The following CPAP variants were observed in gnomAD, a reference collection of about 807,000 sequenced individuals.
CPAP encodes centrosome assembly and centriole elongation protein, also known as centrosomal P4.1-associated protein.
the CPAP span, among the ~76,000 whole-genome samples, chr13:24,921,238 T>C: frequency 1.3e-5 from 2 of 152,182 alleles, no homozygotes; most frequent in Admixed American, 1.3e-4. Context: ...AATTTTGCCC[T>C]CCACCATGGC....
chr13:24,914,510 C>G, the CPAP span, among the ~76,000 whole-genome samples: 6,732 of 152,284 alleles, frequency 0.044, 471 homozygotes, highest in African/African-American at 0.15. Context: ...TATCCTCAAC[C>G]TCTTCTCTGA....
the CPAP span, chr13:24,909,747 A>G: frequency 6.4e-7 from 1 of 1,552,698 alleles, no homozygotes; most frequent in East Asian, 2.3e-5. Flanking sequence ...AGGACAACTT[A>G]GTAACACTAT....
chr13:24,917,310 T>C, the CPAP span, among the ~76,000 whole-genome samples: 2 of 152,230 alleles, frequency 1.3e-5, no homozygotes, highest in African/African-American at 4.8e-5. Flanking sequence ...GGCAACCATA[T>C]AGTCACATGG....
At chr13:24,890,992 C>T in the CPAP span, among the ~76,000 whole-genome samples, 1 of 151,784 alleles carries the variant, frequency 6.6e-6, no homozygotes, top group South Asian at 2.1e-4. Context: ...CCCCTATGGC[C>T]ACTACCCTCA....
the CPAP span, chr13:24,882,803 T>C: frequency 4.2e-6 from 1 of 239,380 alleles, no homozygotes; most frequent in East Asian, 1.2e-4. Context: ...GTACACCTTC[T>C]GTACAAGTCC....
chr13:24,887,518 C>A, the CPAP span, among the ~76,000 whole-genome samples: 1 of 152,182 alleles, frequency 6.6e-6, no homozygotes, highest in Non-Finnish European at 1.5e-5. Flanking sequence ...ATCCAGGTTG[C>A]ACGCTCCTTA....
At chr13:24,929,901 A>AT in the CPAP span, among the ~76,000 whole-genome samples, 13,320 of 100,846 alleles carry the variant, frequency 0.13, 1,048 homozygotes, top group Non-Finnish European at 0.15. Flanking sequence ...TCACTTGTGA[A>AT]TTTTTTTTTT....
At chr13:24,911,548 T>C in the CPAP span, among the ~76,000 whole-genome samples, 7 of 152,224 alleles carry the variant, frequency 4.6e-5, no homozygotes, top group African/African-American at 1.4e-4. Context: ...TGGACCTTTT[T>C]TGGGGGGACA....
At chr13:24,892,546 T>A in the CPAP span, 6 of 922,266 alleles carry the variant, frequency 6.5e-6, no homozygotes, top group African/African-American at 1.6e-5. Context: ...CCCCAGCCCC[T>A]GGCAGCTCCC....
the CPAP span, chr13:24,899,399 A>G: frequency 2.5e-6 from 4 of 1,590,916 alleles, no homozygotes; most frequent in Middle Eastern, 1.9e-4. Context: ...ACATGAATAT[A>G]ACATAAAGAA....
chr13:24,909,525 CAA>C, the CPAP span, among the ~76,000 whole-genome samples: 1 of 115,600 alleles, frequency 8.7e-6, no homozygotes. Flanking sequence ...GAGACTGTCT[CAA>C]AAAAAAAAAA....
chr13:24,886,407 A>T, the CPAP span: 90 of 1,265,964 alleles, frequency 7.1e-5, no homozygotes, highest in Non-Finnish European at 9.3e-5. Flanking sequence ...GAATGGTTCC[A>T]TTACACCATG....
chr13:24,910,598 T>C, the CPAP span, among the ~76,000 whole-genome samples: 2 of 152,180 alleles, frequency 1.3e-5, no homozygotes, highest in African/African-American at 4.8e-5. Context: ...GGCTCTCAAA[T>C]ATTTAAGAAT....
chr13:24,884,010 T>G, the CPAP span: 7 of 1,613,974 alleles, frequency 4.3e-6, no homozygotes, highest in Admixed American at 8.3e-5. Flanking sequence ...TTTCTTCTTG[T>G]CCATCAGGAA....
the CPAP span, chr13:24,904,149 T>C: frequency 2.9e-6 from 4 of 1,403,346 alleles, no homozygotes; most frequent in Admixed American, 3.4e-5. Context: ...GCCAAGAATA[T>C]GGCAAACATC....
chr13:24,894,287 C>A, the CPAP span, among the ~76,000 whole-genome samples: 2 of 152,182 alleles, frequency 1.3e-5, no homozygotes, highest in South Asian at 2.1e-4. Flanking sequence ...GGAGGCCAAG[C>A]CGCCAGCAAG....
the CPAP span, among the ~76,000 whole-genome samples, chr13:24,904,406 C>T: frequency 6.6e-6 from 1 of 152,144 alleles, no homozygotes; most frequent in African/African-American, 2.4e-5. Context: ...CTAATCAACA[C>T]CAAAATCAAA....
chr13:24,919,927 C>A, the CPAP span, among the ~76,000 whole-genome samples: 11 of 152,002 alleles, frequency 7.2e-5, no homozygotes, highest in African/African-American at 2.7e-4. Flanking sequence ...CCATGCCCAG[C>A]TTATTTTTTA....
the CPAP span, chr13:24,912,529 T>A: frequency 1.4e-6 from 2 of 1,455,252 alleles, no homozygotes; most frequent in Non-Finnish European, 1.9e-6. Flanking sequence ...CTTTATTACA[T>A]AAACAGAAAC....
Sources: allele counts gnomAD v4.1 joint callset (sites outside exome capture counted in the v4.1 genomes callset), GRCh38; gene constraint gnomAD v4.1.1; transcripts MANE v1.5; gene names NCBI Gene and HGNC (gene_info 2026-07-23, HGNC 2026-07-21).